The following RNFT2 variants were observed in gnomAD, a reference collection of about 807,000 sequenced individuals.
RNFT2 encodes E3 ubiquitin-protein ligase RNFT2.
Under a neutral mutation model 53.0 loss-of-function variants are expected in RNFT2, and 36 were observed. The observed-to-expected ratio is 0.68, with a 90% CI of 0.52 to 0.90. The LOEUF (loss-of-function observed/expected upper bound fraction) is 0.90. Among genes scored for constraint, RNFT2 ranks in the 40% least tolerant of loss-of-function variants. The probability of loss-of-function intolerance (pLI) is 0.00; values close to 1 mark genes in which losing one functional copy is unlikely to be tolerated. For synonymous variants in RNFT2, 260 were observed against 253.2 expected (o/e 1.03, Z -0.26); for missense variants, 514 against 585.6 (o/e 0.88, Z 1.26).
rs753072383 is a variant in RNFT2, at chr12:116,835,944, C to A, written c.1033-16C>A. 1 of 1,613,930 alleles carries A rather than the reference C, an allele frequency of 6.2e-7. No individual in the cohort carries two copies. Among genetic ancestry groups the A allele is most frequent in the Admixed American group, 1.7e-5 (1 of 60,028 alleles). On this transcript the variant is annotated splice_polypyrimidine_tract_variant and intron_variant, in intron 8 of 10. Transcript: ENST00000257575. The stretch of plus-strand genomic sequence containing the variant: ...TCCTTGGGTACATTTCAGCCACCAC[C>A]CTGCTCTCCTTTCAGTCCTTCGACA...
At chr12:116,764,296 C>T (rs1872817055) in intron 5 of RNFT2, among the ~76,000 whole-genome samples, 1 of 152,110 alleles carries the variant, frequency 6.6e-6, no homozygotes, top group Non-Finnish European at 1.5e-5. Context: ...TCACAAATCA[C>T]CACAAAAGAA....
chr12:116,805,627 G>A (rs902402923), intron 7 of RNFT2, among the ~76,000 whole-genome samples: 5 of 152,052 alleles, frequency 3.3e-5, no homozygotes, highest in Non-Finnish European at 2.9e-5. Flanking sequence ...GGTGTGAGCC[G>A]CCACACTGGC....
Position 116,779,433 on chromosome 12 carries a change from G to A in RNFT2, c.882+85G>A, listed in dbSNP as rs1163608621. On this transcript the variant is annotated intron_variant, in intron 7 of 10. Coordinates refer to ENST00000257575, the MANE Select transcript of RNFT2 (RefSeq NM_001382266.1). ...GGGTGCCTTCTGAGGAGGAAAGAAT[G>A]GATGAGGGTGGACTGATGTCAGCAT... 7.1e-6 allele frequency: 10 copies of A among 1,400,280 alleles called. No homozygotes were observed. In the East Asian group the frequency reaches 2.3e-4, roughly 33 times the overall value. 86.7% of individuals were successfully genotyped at this position (1,400,280 alleles called of 1,614,324 possible).
At position 116,836,023 on chromosome 12, in the gene RNFT2, C is replaced by T. The variant is rs1039266173; in HGVS notation, c.1096C>T (p.Gln366Ter). The change falls in exon 9 of 11, where the codon CAG (glutamine) becomes TAG (stop). Residue 366 changes from glutamine to a stop codon, truncating the protein, a stop_gained and splice_region_variant. Coordinates refer to ENST00000257575, the MANE Select transcript of RNFT2 (RefSeq NM_001382266.1). LOFTEE classifies it high-confidence loss of function. Reference protein sequence around the residue: ...RKALKLLCTSQNYGVRATGQQ... With the variant: ...RKALKLLCTS ...AGCCCTGAAGCTTCTCTGTACCTCT[C>T]AGGTGAGTTGGCTTCAGGTGGTCCC... 8.1e-6 allele frequency: 13 copies of T among 1,613,876 alleles called. No homozygotes were observed. The highest frequency in any genetic ancestry group is 5.0e-5 in the Admixed American group (3 of 60,000).
At chr12:116,831,684 T>G (rs1876657107) in intron 7 of RNFT2, among the ~76,000 whole-genome samples, 1 of 152,168 alleles carries the variant, frequency 6.6e-6, no homozygotes, top group African/African-American at 2.4e-5. Flanking sequence ...ATATGGATGC[T>G]TGGGGCAGTG....
intron 10 of RNFT2, among the ~76,000 whole-genome samples, chr12:116,837,775 G>A (rs375545191): frequency 3.3e-5 from 5 of 152,220 alleles, no homozygotes; most frequent in Admixed American, 6.5e-5. Flanking sequence ...ACATATCAAC[G>A]TGGGTTTCTT....
At chr12:116,832,140 A>ATATAT (rs1555209706) in intron 7 of RNFT2, among the ~76,000 whole-genome samples, 6 of 68,150 alleles carry the variant, frequency 8.8e-5, no homozygotes, top group Admixed American at 5.9e-4. Flanking sequence ...CAAAAAAAAA[A>ATATAT]AAAAAAAAAT....
chr12:116,761,848 C>A (rs911341194), intron 5 of RNFT2, among the ~76,000 whole-genome samples: 5 of 152,054 alleles, frequency 3.3e-5, no homozygotes, highest in South Asian at 2.1e-4. Context: ...CCTCAGGTGC[C>A]GCCTCTGGAA....
intron 10 of RNFT2, among the ~76,000 whole-genome samples, chr12:116,841,325 C>A (rs1001564619): frequency 6.6e-6 from 1 of 152,058 alleles, no homozygotes; most frequent in Non-Finnish European, 1.5e-5. Context: ...TGGTGGTGCA[C>A]GCCTGTGGTC....
chr12:116,835,848 AAT>A, intron 8 of RNFT2, 110 bp from the exon 9 acceptor site: 1 of 1,088,734 alleles, frequency 9.2e-7, no homozygotes. Flanking sequence ...GAGCCCTAAA[AAT>A]GTTCTGAGTC....
rs895613040 is a variant in RNFT2, at chr12:116,780,316, C to T, written c.882+968C>T. Reference sequence around the variant, plus strand: ...CCACAGATCAGGGTGGGGATGGTTTCGGAATGAAACTGTTCCACTTCAGAT... The same window carrying T: ...CCACAGATCAGGGTGGGGATGGTTTTGGAATGAAACTGTTCCACTTCAGAT... On this transcript the variant is annotated intron_variant, in intron 7 of 10. Transcript: ENST00000257575. Among the ~76,000 whole-genome samples the T allele has an allele frequency of 6.6e-5, 10 of 152,130 alleles. 1 individual carries two copies. The highest frequency in any genetic ancestry group is 3.9e-4 in the Admixed American group (6 of 15,256).
intron 8 of RNFT2, 33 bp downstream of exon 8, chr12:116,833,974 A>G (rs757532990): frequency 1.9e-6 from 3 of 1,560,492 alleles, no homozygotes; most frequent in Non-Finnish European, 2.6e-6. Context: ...GGGCCGGCCT[A>G]AGGAGGGCCC....
intron 5 of RNFT2, among the ~76,000 whole-genome samples, chr12:116,759,583 C>A (rs1872620627): frequency 6.6e-6 from 1 of 152,146 alleles, no homozygotes; most frequent in Non-Finnish European, 1.5e-5. Flanking sequence ...CCCCCTTTTC[C>A]TATGGATGTG....
chr12:116,738,617 A>G (rs1592930094), intron 1 of RNFT2: 1 of 152,266 alleles, frequency 6.6e-6, no homozygotes, highest in East Asian at 1.9e-4. Context: ...GCAAGCATCG[A>G]AAAGTCTCGG....
intron 2 of RNFT2, 145 bp downstream of exon 2, chr12:116,740,666 G>C: frequency 2.6e-6 from 2 of 769,700 alleles, no homozygotes. Context: ...GATTTGTCTA[G>C]GGTCACAGCA....
Position 116,750,147 on chromosome 12 carries a change from G to C in RNFT2, c.390G>C (p.Val130=). The C allele has an allele frequency of 6.3e-7, 1 of 1,586,442 alleles. No individual in the cohort carries two copies. Among genetic ancestry groups the C allele is most frequent in the Non-Finnish European group, 8.5e-7 (1 of 1,172,540 alleles). The change falls in exon 4 of 11, where the codon GTG becomes GTC. Residue 130 remains valine (V), a synonymous_variant. Transcript: ENST00000257575. ...GCGGGGGCTCCCTGCTGCAGCACGT[G>C]GGTGGGGACCACCGGGGGCACTCGG... The part of the protein sequence containing the change: ...GHRGGSLLQH[V]GGDHRGHSEE...
chr12:116,805,670 TG>T (rs1228282765), intron 7 of RNFT2, among the ~76,000 whole-genome samples: 14 of 152,266 alleles, frequency 9.2e-5, no homozygotes, highest in African/African-American at 3.1e-4. Context: ...GACAGGGTTT[TG>T]CCATGTTGGC....
rs1349126590 is a variant in RNFT2, at chr12:116,841,972, G to A, written c.1200+5690G>A. Among the ~76,000 whole-genome samples the A allele has an allele frequency of 2.3e-5, 3 of 132,980 alleles. 1 individual carries two copies. In the East Asian group the frequency reaches 6.4e-4, roughly 28 times the overall value. 87.2% of individuals were successfully genotyped at this position (132,980 alleles called of 152,430 possible). A position where few individuals can be genotyped will look rare whatever the true frequency, so the allele number is the denominator to read the frequency against. On this transcript the variant is annotated intron_variant, in intron 10 of 10. Coordinates refer to ENST00000257575, the MANE Select transcript of RNFT2 (RefSeq NM_001382266.1). ...AAATATATATATAGAGAGAGAGAGA[G>A]AGAGAGAGAGAGAGGGAGGATCCAG... is the stretch of plus-strand genomic sequence containing the variant.
At chr12:116,781,635 T>G (rs1236114332) in intron 7 of RNFT2, among the ~76,000 whole-genome samples, 1 of 151,594 alleles carries the variant, frequency 6.6e-6, no homozygotes, top group Non-Finnish European at 1.5e-5. Flanking sequence ...TCGCATCTCC[T>G]GATTCTCGCC....
Sources: allele counts gnomAD v4.1 joint callset (sites outside exome capture counted in the v4.1 genomes callset), GRCh38; gene constraint gnomAD v4.1.1; transcripts MANE v1.5; gene names NCBI Gene and HGNC (gene_info 2026-07-23, HGNC 2026-07-21).